The following RIGI variants were observed in gnomAD, a reference collection of about 807,000 sequenced individuals.
The protein encoded by RIGI is antiviral innate immune response receptor RIG-I.
chr9:32,480,346 A>G, the RIGI span: 3 of 1,586,898 alleles, frequency 1.9e-6, no homozygotes, highest in East Asian at 6.8e-5. Context: ...TGAGGGCATC[A>G]TTATATTTCT....
the RIGI span, among the ~76,000 whole-genome samples, chr9:32,511,140 G>A: frequency 1.3e-5 from 2 of 152,086 alleles, no homozygotes; most frequent in Admixed American, 1.3e-4. Flanking sequence ...CAATAATAGT[G>A]GGAGACTTTA....
chr9:32,500,973 G>T, the RIGI span: 1 of 1,608,256 alleles, frequency 6.2e-7, no homozygotes, highest in Non-Finnish European at 8.5e-7. Context: ...TCATCAAACT[G>T]CAGAACTATT....
At chr9:32,501,833 A>T in the RIGI span, among the ~76,000 whole-genome samples, 1 of 152,336 alleles carries the variant, frequency 6.6e-6, no homozygotes, top group African/African-American at 2.4e-5. Context: ...GGAAGAGAAG[A>T]AGGAATGCCT....
the RIGI span, among the ~76,000 whole-genome samples, chr9:32,475,455 G>A: frequency 6.6e-6 from 1 of 152,284 alleles, no homozygotes; most frequent in East Asian, 1.9e-4. Context: ...GTGAAGAGGT[G>A]TATGTATGGA....
At chr9:32,509,026 C>T in the RIGI span, among the ~76,000 whole-genome samples, 3 of 152,114 alleles carry the variant, frequency 2.0e-5, no homozygotes, top group African/African-American at 7.2e-5. Flanking sequence ...TTGGCAAAGC[C>T]ACTATAGCTA....
At chr9:32,514,021 T>G in the RIGI span, among the ~76,000 whole-genome samples, 1 of 152,186 alleles carries the variant, frequency 6.6e-6, no homozygotes, top group Admixed American at 6.5e-5. Flanking sequence ...AAAACCACAA[T>G]GAGATACCAT....
At chr9:32,524,581 T>A in the RIGI span, among the ~76,000 whole-genome samples, 2 of 149,598 alleles carry the variant, frequency 1.3e-5, no homozygotes, top group African/African-American at 5.0e-5. Flanking sequence ...CTCATCGACT[T>A]TTTTTTGTTT....
At chr9:32,476,082 T>C in the RIGI span, among the ~76,000 whole-genome samples, 2 of 152,124 alleles carry the variant, frequency 1.3e-5, no homozygotes, top group Non-Finnish European at 1.5e-5. Context: ...TTCAGCCATA[T>C]TACTCATTAG....
At chr9:32,466,307 C>T in the RIGI span, 3 of 1,613,626 alleles carry the variant, frequency 1.9e-6, no homozygotes, top group Admixed American at 1.7e-5. Flanking sequence ...CTAAATACTG[C>T]TTCGTCCCAT....
chr9:32,497,739 A>G, the RIGI span, among the ~76,000 whole-genome samples: 2 of 152,214 alleles, frequency 1.3e-5, no homozygotes, highest in African/African-American at 4.8e-5. Flanking sequence ...CGACAGAGCG[A>G]GACTCCGTCT....
the RIGI span, among the ~76,000 whole-genome samples, chr9:32,499,401 A>G: frequency 7.3e-6 from 1 of 136,220 alleles, no homozygotes; most frequent in Non-Finnish European, 1.5e-5. Flanking sequence ...ATTTATTCGT[A>G]CCCACATGGG....
the RIGI span, among the ~76,000 whole-genome samples, chr9:32,489,831 A>T: frequency 6.6e-6 from 1 of 152,232 alleles, no homozygotes; most frequent in Admixed American, 6.5e-5. Context: ...AACTGTTAAC[A>T]TTGGATTCTC....
the RIGI span, among the ~76,000 whole-genome samples, chr9:32,470,472 T>G: frequency 6.6e-6 from 1 of 152,248 alleles, no homozygotes; most frequent in East Asian, 1.9e-4. Context: ...CAATGAAATT[T>G]GAATTGCACA....
At chr9:32,506,613 T>C in the RIGI span, among the ~76,000 whole-genome samples, 83,125 of 151,990 alleles carry the variant, frequency 0.55, 23,330 homozygotes, top group Middle Eastern at 0.66. Flanking sequence ...TAATCTGGTT[T>C]GTTTTTCCAG....
chr9:32,487,368 A>T, the RIGI span: 1 of 1,152,170 alleles, frequency 8.7e-7, no homozygotes, highest in Non-Finnish European at 1.2e-6. Context: ...ATTTTCTACT[A>T]AACAGAGAGA....
chr9:32,481,256 G>C, the RIGI span: 1 of 1,373,020 alleles, frequency 7.3e-7, no homozygotes, highest in Non-Finnish European at 1.0e-6. Context: ...GACAGGATGA[G>C]AAGTTGATGT....
the RIGI span, chr9:32,481,625 G>T: frequency 2.4e-5 from 16 of 676,854 alleles, no homozygotes; most frequent in Non-Finnish European, 3.6e-5. Context: ...TCGCTCTGAT[G>T]CCCAGGCTGT....
At chr9:32,492,434 C>G in the RIGI span, 1 of 1,614,180 alleles carries the variant, frequency 6.2e-7, no homozygotes, top group Non-Finnish European at 8.5e-7. Context: ...TCCTTTCTTT[C>G]TCCAAAGCAA....
the RIGI span, chr9:32,493,644 T>C: frequency 1.5e-6 from 1 of 668,706 alleles, no homozygotes; most frequent in Admixed American, 3.7e-5. Flanking sequence ...AGTACTATTC[T>C]ATGAGTACTT....
Sources: gnomAD v4.1 joint callset for allele counts (sites outside exome capture counted in the v4.1 genomes callset) on GRCh38, gnomAD v4.1.1 for gene constraint, MANE v1.5 for transcripts, NCBI Gene and HGNC (gene_info 2026-07-23, HGNC 2026-07-21) for gene names.